PIAS1: variants seen among roughly 807,000 people sequenced by gnomAD.
The protein encoded by PIAS1 is E3 SUMO-protein ligase PIAS1.
Under a neutral mutation model 71.3 loss-of-function variants are expected in PIAS1, and 6 were observed. That is an observed-to-expected ratio of 0.08 (90% CI 0.05 to 0.17). The LOEUF is 0.17. Ranked by LOEUF, PIAS1 falls within the 10% of genes least tolerant of loss-of-function variation. PIAS1 has a pLI of 1.00. For missense variants in PIAS1, 555 were observed against 793.6 expected (o/e 0.70, Z 3.61); for synonymous variants, 303 against 292.9 (o/e 1.03, Z -0.35).
At chr15:68,144,958 G>T (rs1453205967) in intron 4 of PIAS1, among the ~76,000 whole-genome samples, 1 of 152,142 alleles carries the variant, frequency 6.6e-6, no homozygotes, top group Admixed American at 6.6e-5. Context: ...ATATTTCACA[G>T]ATTTCGGAGA....
intron 1 of PIAS1, among the ~76,000 whole-genome samples, chr15:68,078,588 C>G (rs1043204430): frequency 6.6e-6 from 1 of 152,186 alleles, no homozygotes; most frequent in Non-Finnish European, 1.5e-5. Flanking sequence ...AACATATACT[C>G]AGCTCTGGCT....
intron 7 of PIAS1, 59 bp from the exon 8 acceptor site, chr15:68,164,672 G>A (rs1214932666): frequency 1.1e-6 from 1 of 875,246 alleles, no homozygotes; most frequent in Non-Finnish European, 1.9e-6. Flanking sequence ...TAATGCTCCA[G>A]TAATGTATCT....
Position 68,096,844 on chromosome 15 carries a change from G to A in PIAS1, c.469+10094G>A, listed in dbSNP as rs536485118. Reference sequence around the variant, plus strand: ...GAAACTTTTAGAGTTTTCTACATACGTCATGTCATCTGTGAACAGAGATTA... The same window carrying A: ...GAAACTTTTAGAGTTTTCTACATACATCATGTCATCTGTGAACAGAGATTA... On this transcript the variant is annotated intron_variant, in intron 2 of 13. Coordinates refer to ENST00000249636, the MANE Select transcript of PIAS1 (RefSeq NM_016166.3). Among the ~76,000 whole-genome samples, 10 of 151,914 alleles carry A rather than the reference G, an allele frequency of 6.6e-5. No homozygotes were observed. The South Asian group carries it at 1.2e-3, about 19-fold the overall frequency.
chr15:68,162,227 C>G (rs960565453), intron 7 of PIAS1, among the ~76,000 whole-genome samples: 20 of 152,104 alleles, frequency 1.3e-4, no homozygotes, highest in African/African-American at 4.6e-4. Flanking sequence ...TATGTTGCCT[C>G]TCTTATTTCA....
chr15:68,125,847 G>T (rs2092646662), intron 2 of PIAS1, among the ~76,000 whole-genome samples: 2 of 152,024 alleles, frequency 1.3e-5, no homozygotes, highest in South Asian at 4.1e-4. Flanking sequence ...TCTAAGGCCT[G>T]TGTTATCATG....
intron 2 of PIAS1, among the ~76,000 whole-genome samples, chr15:68,129,814 C>T (rs1311105344): frequency 6.7e-6 from 1 of 149,722 alleles, no homozygotes; most frequent in East Asian, 2.1e-4. Context: ...CACACACACA[C>T]ACACACACAC....
intron 2 of PIAS1, among the ~76,000 whole-genome samples, chr15:68,099,698 C>T (rs185057625): frequency 4.8e-4 from 72 of 151,334 alleles, no homozygotes; most frequent in African/African-American, 1.6e-3. Context: ...GGAGAAAATA[C>T]CAAGTTGTCT....
At chr15:68,141,347 T>A (rs1006014731) in intron 2 of PIAS1, among the ~76,000 whole-genome samples, 4 of 152,138 alleles carry the variant, frequency 2.6e-5, no homozygotes. Context: ...CTTCCTTCCT[T>A]TCTTAATTCT....
chr15:68,182,411 G>T (rs888965371), intron 12 of PIAS1, among the ~76,000 whole-genome samples: 1 of 143,410 alleles, frequency 7.0e-6, no homozygotes, highest in Non-Finnish European at 1.5e-5. Context: ...CCCCATTCCC[G>T]GGAAGTTACA....
intron 2 of PIAS1, among the ~76,000 whole-genome samples, chr15:68,136,701 A>G (rs540562028): frequency 1.3e-5 from 2 of 152,330 alleles, no homozygotes; most frequent in Admixed American, 6.5e-5. Context: ...ATGCAAAGGA[A>G]CAGCTAAGTT....
intron 1 of PIAS1, among the ~76,000 whole-genome samples, chr15:68,071,924 G>A (rs575469520): frequency 8.6e-5 from 13 of 151,860 alleles, no homozygotes; most frequent in African/African-American, 3.1e-4. Flanking sequence ...TTCCAACCTG[G>A]GTGACAGAGT....
rs924932234 is a variant in PIAS1 at position 68,120,654 on chromosome 15, T to TTTG, written c.470-21277_470-21275dup. ...GTCATACATTTTACGTCCATGTAAG[T>TTTG]TTGTTGTTGTTGTTGTTTGAAACAG... On this transcript the variant is annotated intron_variant, in intron 2 of 13. Transcript: ENST00000249636. Among the ~76,000 whole-genome samples the TTTG allele has an allele frequency of 5.3e-5, 8 of 152,088 alleles. No homozygotes were observed. The East Asian group carries it at 5.8e-4, about 11-fold the overall frequency.
intron 2 of PIAS1, among the ~76,000 whole-genome samples, chr15:68,088,607 G>T (rs1446534571): frequency 2.0e-5 from 3 of 151,960 alleles, no homozygotes; most frequent in Non-Finnish European, 4.4e-5. Flanking sequence ...AATTTAATAT[G>T]CATAAAAAGA....
intron 2 of PIAS1, among the ~76,000 whole-genome samples, chr15:68,097,906 A>G (rs544368596): frequency 8.5e-5 from 13 of 152,310 alleles, no homozygotes; most frequent in African/African-American, 3.1e-4. Flanking sequence ...AGAGGAGTAA[A>G]TAACATTTTC....
chr15:68,114,503 C>G lies in PIAS1; in HGVS notation c.470-27443C>G, dbSNP rs192393672. On this transcript the variant is annotated intron_variant, in intron 2 of 13. Transcript: ENST00000249636. ...TTGTCAAGTTTTTGTTTGACTAAGT[C>G]AGAGGGTTCATTAAAGATTGTAAGG... is the stretch of plus-strand genomic sequence containing the variant. Among the ~76,000 whole-genome samples, 4 of 152,092 alleles carry G rather than the reference C, an allele frequency of 2.6e-5. No homozygotes were observed. In the East Asian group the frequency reaches 7.7e-4, roughly 29 times the overall value.
chr15:68,098,143 A>C (rs1184547772), intron 2 of PIAS1, among the ~76,000 whole-genome samples: 6 of 152,226 alleles, frequency 3.9e-5, no homozygotes, highest in Non-Finnish European at 4.4e-5. Flanking sequence ...CAACACACAC[A>C]GTCAAAAATT....
intron 2 of PIAS1, among the ~76,000 whole-genome samples, chr15:68,103,143 T>C (rs1595726925): frequency 6.6e-6 from 1 of 152,028 alleles, no homozygotes; most frequent in East Asian, 1.9e-4. Flanking sequence ...GCTAGGCTGG[T>C]CTCGAACTCC....
chr15:68,180,997 G>T (rs1007965199), intron 11 of PIAS1, among the ~76,000 whole-genome samples: 1 of 152,100 alleles, frequency 6.6e-6, no homozygotes, highest in African/African-American at 2.4e-5. Flanking sequence ...CATTGCATCT[G>T]TCCACTTCTT....
At chr15:68,184,165 A>G (rs1408563457) in intron 13 of PIAS1, 1 of 152,214 alleles carries the variant, frequency 6.6e-6, no homozygotes, top group East Asian at 1.9e-4. Flanking sequence ...TACAAAATCC[A>G]CAGCTAATGT....
Sources: allele counts gnomAD v4.1 joint callset (sites outside exome capture counted in the v4.1 genomes callset), GRCh38; gene constraint gnomAD v4.1.1; transcripts MANE v1.5; gene names NCBI Gene and HGNC (gene_info 2026-07-23, HGNC 2026-07-21).